The following MSH3 variants were observed in gnomAD, a reference collection of about 807,000 sequenced individuals.
MSH3 encodes the protein DNA mismatch repair protein Msh3.
MSH3 carries 106 observed loss-of-function variants against 123.3 expected under a neutral mutation model. The observed-to-expected ratio is 0.86, with a 90% confidence interval of 0.73 to 1.01. MSH3 has a LOEUF of 1.01. MSH3 is among the 50% of genes least tolerant of loss of function. The pLI, the probability that MSH3 is intolerant of heterozygous loss-of-function variation, is 0.00. For missense variants in MSH3, 1,459 were observed against 1,347.6 expected, an observed-to-expected ratio of 1.08 and a Z score of -1.29; for synonymous variants, 515 against 481.4, an observed-to-expected ratio of 1.07 and a Z score of -0.91.
At chr5:80,677,734 A>G (rs941361797) in intron 7 of MSH3, among the ~76,000 whole-genome samples, 4 of 152,174 alleles carry the variant, frequency 2.6e-5, no homozygotes, top group African/African-American at 9.7e-5. Context: ...CTTAAACGTT[A>G]TATACAAATG....
chr5:80,737,599 G>A (rs1743535244), intron 10 of MSH3, among the ~76,000 whole-genome samples: 1 of 152,130 alleles, frequency 6.6e-6, no homozygotes, highest in Non-Finnish European at 1.5e-5. Context: ...ATTTAGAATT[G>A]CTTGAGTGTT....
intron 12 of MSH3, among the ~76,000 whole-genome samples, chr5:80,747,207 T>G (rs1440832763): frequency 6.6e-6 from 1 of 152,226 alleles, no homozygotes; most frequent in Non-Finnish European, 1.5e-5. Flanking sequence ...TGCTTACATG[T>G]TACAGCAGAA....
chr5:80,675,560 T>C (rs576310286), intron 7 of MSH3, among the ~76,000 whole-genome samples: 1 of 152,198 alleles, frequency 6.6e-6, no homozygotes, highest in East Asian at 1.9e-4. Flanking sequence ...AACCAGATAT[T>C]GTGAGAACTG....
At chr5:80,764,357 T>C (rs1381212231) in intron 13 of MSH3, among the ~76,000 whole-genome samples, 2 of 151,888 alleles carry the variant, frequency 1.3e-5, no homozygotes, top group Non-Finnish European at 2.9e-5. Flanking sequence ...CTGATTCTGG[T>C]ATAAAATAGA....
chr5:80,865,661 A>AT (rs1030776132), intron 22 of MSH3, among the ~76,000 whole-genome samples: 15 of 151,592 alleles, frequency 9.9e-5, no homozygotes, highest in East Asian at 3.9e-4. Flanking sequence ...AGACTTTAGC[A>AT]TTTTTTTTTC....
rs1334965961 is a variant in MSH3 at position 80,869,795 on chromosome 5, CATATATATACATATATACAT to C, written c.3131-3293_3131-3274del. ...CTCTTTATATATGTATACATATATA[CATATATATACATATATACAT>C]ATATATATACATATATACATATATA... On this transcript the variant is annotated intron_variant, in intron 22 of 23. Coordinates refer to ENST00000265081, the MANE Select transcript of MSH3 (RefSeq NM_002439.5). Among the ~76,000 whole-genome samples, 244 of 130,162 alleles carry C rather than the reference CATATATATACATATATACAT, an allele frequency of 1.9e-3. 3 individuals are homozygous for C. The highest frequency in any genetic ancestry group is 6.8e-3 in the African/African-American group (226 of 33,194). 85.4% of individuals were successfully genotyped at this position (130,162 alleles called of 152,430 possible).
chr5:80,792,531 G>A (rs950331733), intron 18 of MSH3, among the ~76,000 whole-genome samples: 2 of 151,988 alleles, frequency 1.3e-5, no homozygotes, highest in African/African-American at 4.8e-5. Context: ...AATAATAAAT[G>A]TTTTCCCAAT....
intron 13 of MSH3, among the ~76,000 whole-genome samples, chr5:80,763,193 A>G (rs1428416381): frequency 2.0e-5 from 3 of 152,158 alleles, no homozygotes; most frequent in African/African-American, 7.2e-5. Flanking sequence ...TAGTGTTTCT[A>G]TATTTTTCAT....
At position 80,669,196 on chromosome 5, in the gene MSH3, A is replaced by G. The variant is rs372884874; in HGVS notation, c.580-901A>G. On this transcript the variant is annotated intron_variant, in intron 3 of 23. Coordinates refer to ENST00000265081, the MANE Select transcript of MSH3 (RefSeq NM_002439.5). ...ATTGTTTTAAACATTTGGGAACTAC[A>G]AAGTGTACATGTTTCTGGGTTTTCT... Among the ~76,000 whole-genome samples the G allele has an allele frequency of 3.3e-5, 5 of 152,266 alleles. No individual in the cohort carries two copies. The East Asian group carries it at 7.7e-4, about 24-fold the overall frequency.
intron 2 of MSH3, among the ~76,000 whole-genome samples, chr5:80,657,598 A>G (rs1300549587): frequency 6.6e-6 from 1 of 152,166 alleles, no homozygotes; most frequent in Admixed American, 6.5e-5. Flanking sequence ...ATAAGGGAAG[A>G]CAGGAAATCC....
rs929659061 is a variant in MSH3 at position 80,672,794 on chromosome 5, C to T, written c.963C>T (p.Asn321=). 2.5e-6 allele frequency: 4 copies of T among 1,614,042 alleles called. No homozygotes were observed. The Admixed American group carries it at 6.7e-5, about 27-fold the overall frequency. ...ETAALKAIGD[N]RSSLFSRKLT... is the part of the protein sequence containing the mutation. ...CAGCATTAAAGGCCATTGGAGACAA[C>T]AGAAGTTCACTCTTTTCCCGGAAAT... Residue 321 remains asparagine, a synonymous_variant, in exon 6 of 24, where the codon AAC becomes AAT. Coordinates refer to ENST00000265081, the MANE Select transcript of MSH3 (RefSeq NM_002439.5).
At chr5:80,670,349 T>A in intron 4 of MSH3, 40 bp downstream of exon 4, 1 of 1,577,672 alleles carries the variant, frequency 6.3e-7, no homozygotes, top group Non-Finnish European at 8.7e-7. Flanking sequence ...ATTTTTCTTG[T>A]CTAGCCTTAG....
At chr5:80,677,135 A>G (rs1394777342) in intron 7 of MSH3, among the ~76,000 whole-genome samples, 2 of 152,164 alleles carry the variant, frequency 1.3e-5, no homozygotes, top group Non-Finnish European at 2.9e-5. Flanking sequence ...AATTGATCTT[A>G]TCTTCTTTTA....
chr5:80,870,104 G>C (rs1746186105), intron 22 of MSH3, among the ~76,000 whole-genome samples: 1 of 150,578 alleles, frequency 6.6e-6, no homozygotes, highest in African/African-American at 2.4e-5. Context: ...AACCCGGGAG[G>C]TGGAGGTTGT....
chr5:80,817,315 T>C (rs1201556356), intron 20 of MSH3, among the ~76,000 whole-genome samples: 1 of 152,144 alleles, frequency 6.6e-6, no homozygotes, highest in Non-Finnish European at 1.5e-5. Context: ...TAGCTGTCAC[T>C]AATGACCTTA....
chr5:80,869,926 C>A (rs1746182506), intron 22 of MSH3, among the ~76,000 whole-genome samples: 1 of 150,708 alleles, frequency 6.6e-6, no homozygotes, highest in South Asian at 2.1e-4. Flanking sequence ...GTAATCTCAG[C>A]ACTTTGGGAG....
chr5:80,792,668 C>G, intron 18 of MSH3, 65 bp from the exon 19 acceptor site: 1 of 983,842 alleles, frequency 1.0e-6, no homozygotes, highest in Non-Finnish European at 1.6e-6. Context: ...TTCATGCTAT[C>G]TTAGAGTTTT....
At chr5:80,661,353 CTT>C (rs1749430238) in intron 2 of MSH3, among the ~76,000 whole-genome samples, 1 of 152,056 alleles carries the variant, frequency 6.6e-6, no homozygotes, top group Non-Finnish European at 1.5e-5. Flanking sequence ...GCTTATTTCT[CTT>C]TGTACTTCAT....
At chr5:80,687,749 A>G (rs1452604742) in intron 8 of MSH3, among the ~76,000 whole-genome samples, 2 of 152,180 alleles carry the variant, frequency 1.3e-5, no homozygotes, top group Non-Finnish European at 2.9e-5. Flanking sequence ...GCAAACTGGT[A>G]TGGATTCCTG....
Sources: allele counts gnomAD v4.1 joint callset (sites outside exome capture counted in the v4.1 genomes callset), GRCh38; gene constraint gnomAD v4.1.1; transcripts MANE v1.5; gene names NCBI Gene and HGNC (gene_info 2026-07-23, HGNC 2026-07-21).